Variants in USP25 observed in about 807,000 individuals in gnomAD.
USP25 encodes the protein ubiquitin carboxyl-terminal hydrolase 25.
In USP25, 85 loss-of-function variants were observed where a neutral mutation model predicts 158.5. That is an observed-to-expected ratio of 0.54 (90% CI 0.45 to 0.64). USP25 has a LOEUF of 0.64. Among genes scored for constraint, USP25 ranks in the 30% least tolerant of loss-of-function variants. USP25 has a pLI of 0.00. For synonymous variants in USP25, 464 were observed against 460.4 expected, an observed-to-expected ratio of 1.01 and a Z score of -0.10; for missense variants, 1,242 against 1,327.3, an observed-to-expected ratio of 0.94 and a Z score of 1.00.
intron 1 of USP25, among the ~76,000 whole-genome samples, chr21:15,746,487 C>G (rs1019902419): frequency 6.6e-6 from 1 of 152,006 alleles, no homozygotes; most frequent in Non-Finnish European, 1.5e-5. Context: ...CGCCGCCTCC[C>G]AGGTTCAAGC....
At position 15,878,573 on chromosome 21, in the gene USP25, A is replaced by G. The variant is rs559120054; in HGVS notation, c.*98A>G. The G allele has an allele frequency of 1.5e-6, 2 of 1,325,706 alleles. No individual in the cohort carries two copies. The highest frequency in any genetic ancestry group is 3.7e-5 in the South Asian group (2 of 54,388). The allele number at this position is 1,325,706 out of a possible 1,614,324, so 82.1% of individuals were successfully genotyped here. A position where few individuals can be genotyped will look rare whatever the true frequency, so the allele number is the denominator to read the frequency against. The stretch of plus-strand genomic sequence containing the variant: ...TTGCTTGTTGCTGCTATAGTTTTTA[A>G]CTTTTTTTTATTTTAATAACTGCAA... On this transcript the variant is annotated 3_prime_UTR_variant, in exon 26 of 26. Transcript: ENST00000400183.
At chr21:15,847,458 C>T (rs2038675443) in intron 18 of USP25, among the ~76,000 whole-genome samples, 1 of 152,100 alleles carries the variant, frequency 6.6e-6, no homozygotes, top group South Asian at 2.1e-4. Flanking sequence ...TCATTTGATA[C>T]CAAGTCAATG....
intron 1 of USP25, among the ~76,000 whole-genome samples, chr21:15,742,230 G>A (rs761772930): frequency 5.9e-5 from 9 of 151,962 alleles, no homozygotes; most frequent in Non-Finnish European, 1.0e-4. Context: ...GGAAATGGGT[G>A]GTGTGTGGTG....
intron 20 of USP25, among the ~76,000 whole-genome samples, chr21:15,863,683 C>T (rs1020764145): frequency 2.6e-5 from 4 of 152,164 alleles, no homozygotes; most frequent in African/African-American, 9.7e-5. Flanking sequence ...TAAGTTTAGA[C>T]ATATTTTACC....
In USP25 at chr21:15,811,812, A is replaced by G. The variant is rs139087289; in HGVS notation, c.931+602A>G. ...GAGGAGACTCTTTAAATGTAACTTCATGTAATAATATTAGGTCCCAAAGCA... is the reference window on the plus strand; with the variant it reads ...GAGGAGACTCTTTAAATGTAACTTCGTGTAATAATATTAGGTCCCAAAGCA... On this transcript the variant is annotated intron_variant, in intron 9 of 25. Coordinates refer to ENST00000400183, the MANE Select transcript of USP25 (RefSeq NM_001283041.3). Among the ~76,000 whole-genome samples, 129 of 152,314 alleles carry G rather than the reference A, an allele frequency of 8.5e-4. 1 individual carries two copies. In the East Asian group the frequency reaches 0.021, roughly 25 times the overall value.
chr21:15,778,015 AAGCCATT>A lies in USP25; in HGVS notation c.384_390del (p.Ile129GlufsTer7), dbSNP rs1234991556. On this transcript the variant is annotated frameshift_variant, in exon 4 of 26. Transcript: ENST00000400183. LOFTEE classifies it high-confidence loss of function. ...GAGACTGGAATAACTGATGAGGAAC[AAGCCATT>A]AGCAGGTAAAAACATAATTTGTATA... 6.2e-7 allele frequency: 1 copy of A among 1,604,774 alleles called. No individual in the cohort carries two copies.
At chr21:15,808,161 CTATT>C (rs1279200541) in intron 7 of USP25, among the ~76,000 whole-genome samples, 2 of 152,136 alleles carry the variant, frequency 1.3e-5, no homozygotes, top group Admixed American at 1.3e-4. Flanking sequence ...CCCTTATGTT[CTATT>C]TATTATTTTC....
intron 1 of USP25, among the ~76,000 whole-genome samples, chr21:15,752,189 T>C (rs1188079935): frequency 6.6e-6 from 1 of 151,928 alleles, no homozygotes; most frequent in African/African-American, 2.4e-5. Flanking sequence ...TGCCTCGGCC[T>C]CGCAAAGTGT....
At chr21:15,775,306 T>C (rs1191851146) in intron 3 of USP25, among the ~76,000 whole-genome samples, 2 of 152,196 alleles carry the variant, frequency 1.3e-5, no homozygotes, top group African/African-American at 4.8e-5. Context: ...CATGATACAG[T>C]AAACATTCTA....
intron 1 of USP25, among the ~76,000 whole-genome samples, chr21:15,747,738 G>A (rs1160171547): frequency 6.6e-6 from 1 of 152,116 alleles, no homozygotes; most frequent in Admixed American, 6.5e-5. Flanking sequence ...CATGGAGTGA[G>A]ATTTCATTAT....
chr21:15,840,092 G>C (rs1265997171), intron 17 of USP25, among the ~76,000 whole-genome samples: 1 of 151,764 alleles, frequency 6.6e-6, no homozygotes, highest in Non-Finnish European at 1.5e-5. Flanking sequence ...TATATAGCAG[G>C]GATTTTATGA....
chr21:15,760,560 AAACC>A (rs1486202454), intron 1 of USP25, among the ~76,000 whole-genome samples: 1 of 152,222 alleles, frequency 6.6e-6, no homozygotes, highest in Non-Finnish European at 1.5e-5. Context: ...AATATCTCTT[AAACC>A]TTTCATGTAA....
At chr21:15,783,846 G>A (rs200791622) in intron 4 of USP25, among the ~76,000 whole-genome samples, 31 of 151,752 alleles carry the variant, frequency 2.0e-4, no homozygotes, top group Admixed American at 1.6e-3. Context: ...GGTGGGTGCC[G>A]GTAGTCTCAG....
intron 10 of USP25, among the ~76,000 whole-genome samples, chr21:15,822,746 C>T (rs1360024156): frequency 6.6e-6 from 1 of 151,864 alleles, no homozygotes; most frequent in African/African-American, 2.4e-5. Flanking sequence ...TTGCCAGTTC[C>T]ATGTGAGATC....
intron 10 of USP25, among the ~76,000 whole-genome samples, chr21:15,823,257 C>A (rs1285022550): frequency 6.6e-6 from 1 of 151,298 alleles, no homozygotes; most frequent in Non-Finnish European, 1.5e-5. Context: ...AATACATATG[C>A]TTATGTATAA....
intron 23 of USP25, among the ~76,000 whole-genome samples, chr21:15,872,014 GTTTTTTTTTTTTT>G (rs1158862222): frequency 2.8e-5 from 2 of 71,644 alleles, no homozygotes; most frequent in African/African-American, 5.2e-5. Context: ...AAGAAATACT[GTTTTTTTTTTTTT>G]TTTTTTTTTT....
intron 4 of USP25, among the ~76,000 whole-genome samples, chr21:15,784,972 GA>G (rs200893666): frequency 9.9e-4 from 138 of 139,832 alleles, no homozygotes; most frequent in African/African-American, 2.0e-3. Flanking sequence ...TGGATGGATT[GA>G]AAAAAAAAAA....
intron 25 of USP25, 152 bp downstream of exon 25, chr21:15,878,143 T>A (rs954487466): frequency 5.3e-5 from 58 of 1,085,734 alleles, no homozygotes; most frequent in Non-Finnish European, 7.3e-5. Flanking sequence ...TCCATATTGA[T>A]GAACTAAGCT....
intron 3 of USP25, among the ~76,000 whole-genome samples, chr21:15,767,971 AAAAAT>A (rs1465988710): frequency 6.6e-6 from 1 of 152,132 alleles, no homozygotes; most frequent in East Asian, 1.9e-4. Flanking sequence ...GAGGACAAAA[AAAAAT>A]TTTGAATAGG....
Sources: allele counts gnomAD v4.1 joint callset (sites outside exome capture counted in the v4.1 genomes callset), GRCh38; gene constraint gnomAD v4.1.1; transcripts MANE v1.5; gene names NCBI Gene and HGNC (gene_info 2026-07-23, HGNC 2026-07-21).